FIG4: variants seen among roughly 807,000 people sequenced by gnomAD.
FIG4 encodes the protein polyphosphoinositide phosphatase.
Under a neutral mutation model 118.6 loss-of-function variants are expected in FIG4, and 112 were observed. The ratio of observed to expected loss-of-function variants is 0.94; its 90% CI spans 0.81 to 1.11. The LOEUF is 1.11. Among genes scored for constraint, FIG4 ranks in the 50% least tolerant of loss-of-function variants. The pLI is 0.00. For missense variants in FIG4, 969 were observed against 1,111.7 expected (o/e 0.87, Z 1.83); for synonymous variants, 369 against 381.2 (o/e 0.97, Z 0.37).
intron 21 of FIG4, among the ~76,000 whole-genome samples, chr6:109,792,886 T>G (rs1778178736): frequency 6.6e-6 from 1 of 152,000 alleles, no homozygotes; most frequent in Non-Finnish European, 1.5e-5. Flanking sequence ...AGACGGGGTT[T>G]CACTGTGTTG....
chr6:109,751,272 G>A (rs749654904), intron 10 of FIG4, among the ~76,000 whole-genome samples: 1 of 152,144 alleles, frequency 6.6e-6, no homozygotes, highest in Admixed American at 6.5e-5. Context: ...TATGCCAGCT[G>A]TTCTATAAAA....
chr6:109,722,229 G>T (rs1390780768), intron 3 of FIG4, among the ~76,000 whole-genome samples: 1 of 151,146 alleles, frequency 6.6e-6, no homozygotes, highest in Non-Finnish European at 1.5e-5. Flanking sequence ...TTTTTGGCGA[G>T]TCTCTAACCT....
At chr6:109,765,284 CATT>C (rs1274161989) in intron 14 of FIG4, 123 bp downstream of exon 14, 3 of 796,666 alleles carry the variant, frequency 3.8e-6, no homozygotes, top group Admixed American at 2.2e-5. Context: ...TGCTAGAAAA[CATT>C]ATTCAAACTC....
Position 109,716,431 on chromosome 6 carries a change from G to C in FIG4, c.166-14G>C, listed in dbSNP as rs755434755. ...TTAAGCACAACCTTACAGAGTAAATGTGCTTATTCTTAGCATGTCTATACT... is the reference window on the plus strand; with the variant it reads ...TTAAGCACAACCTTACAGAGTAAATCTGCTTATTCTTAGCATGTCTATACT... On this transcript the variant is annotated splice_polypyrimidine_tract_variant and intron_variant, in intron 2 of 22. Coordinates refer to ENST00000230124, the MANE Select transcript of FIG4 (RefSeq NM_014845.6). The C allele has an allele frequency of 1.9e-6, 3 of 1,612,816 alleles. No homozygotes were observed. The highest frequency in any genetic ancestry group is 2.7e-5 in the African/African-American group (2 of 74,874).
chr6:109,817,501 C>A (rs141940234), intron 22 of FIG4, among the ~76,000 whole-genome samples: 1 of 151,614 alleles, frequency 6.6e-6, no homozygotes, highest in African/African-American at 2.4e-5. Flanking sequence ...AGCTTTATTT[C>A]TCTAAAGCCA....
intron 21 of FIG4, 60 bp from the exon 22 acceptor site, chr6:109,796,705 T>C (rs1778296600): frequency 2.1e-6 from 2 of 950,514 alleles, no homozygotes; most frequent in Non-Finnish European, 3.5e-6. Flanking sequence ...TTGTGTGATC[T>C]ACTGAATTAA....
chr6:109,778,228 A>G (rs1777676988), intron 16 of FIG4, among the ~76,000 whole-genome samples: 1 of 151,980 alleles, frequency 6.6e-6, no homozygotes, highest in Admixed American at 6.6e-5. Flanking sequence ...TGGGAGGCCA[A>G]GGCGGGAGGA....
chr6:109,750,172 A>C (rs1051753414), intron 10 of FIG4, among the ~76,000 whole-genome samples: 1 of 152,202 alleles, frequency 6.6e-6, no homozygotes, highest in Admixed American at 6.5e-5. Flanking sequence ...ACTTCTTCCC[A>C]GTTGTGAAAG....
At chr6:109,764,091 A>G (rs1777200745) in intron 13 of FIG4, 109 bp downstream of exon 13, 1 of 732,842 alleles carries the variant, frequency 1.4e-6, no homozygotes, top group Non-Finnish European at 2.4e-6. Flanking sequence ...ATGCAGAATT[A>G]TTATTTGAGA....
At chr6:109,811,449 G>T (rs1362189244) in intron 22 of FIG4, among the ~76,000 whole-genome samples, 1 of 152,188 alleles carries the variant, frequency 6.6e-6, no homozygotes, top group African/African-American at 2.4e-5. Context: ...GTCATTTAAA[G>T]ATTCTATAAT....
At chr6:109,766,666 C>T in intron 14 of FIG4, 63 bp from the exon 15 acceptor site, 1 of 1,413,944 alleles carries the variant, frequency 7.1e-7, no homozygotes, top group African/African-American at 1.4e-5. Context: ...TGGAGTTTGG[C>T]TAAGTGAATA....
At chr6:109,711,351 A>G (rs1239902199) in intron 1 of FIG4, among the ~76,000 whole-genome samples, 5 of 152,162 alleles carry the variant, frequency 3.3e-5, no homozygotes. Context: ...GTGAGCCGAG[A>G]TTGCGCCACT....
intron 22 of FIG4, among the ~76,000 whole-genome samples, chr6:109,819,538 G>A (rs962439594): frequency 1.3e-5 from 2 of 152,086 alleles, no homozygotes; most frequent in Non-Finnish European, 2.9e-5. Flanking sequence ...GCCTGATCTC[G>A]GCTCACTGCA....
chr6:109,743,179 G>A lies in FIG4; in HGVS notation c.946G>A (p.Gly316Arg). Reference sequence around the variant, plus strand: ...TGCTTCTGTGATGTCTTTCACTGCAGGAAGTTATTCTTCATATGTACAAGT... The same window carrying A: ...TGCTTCTGTGATGTCTTTCACTGCAAGAAGTTATTCTTCATATGTACAAGT... ...CDASVMSFTA[G>R]SYSSYVQVRG... Residue 316 changes from glycine (G) to arginine (R), a missense_variant, in exon 9 of 23, where the codon GGA becomes AGA. Around this residue, in one of 3 missense-constraint regions of FIG4, gnomAD observed 393 missense variants for 409.4 expected, o/e 0.96. Coordinates refer to ENST00000230124, the MANE Select transcript of FIG4 (RefSeq NM_014845.6). 2 of 1,612,946 alleles carry A rather than the reference G, an allele frequency of 1.2e-6. No homozygotes were observed. The highest frequency in any genetic ancestry group is 1.1e-5 in the South Asian group (1 of 91,066).
rs1159427224 is a variant in FIG4 at position 109,719,759 on chromosome 6, A to G, written c.289+3191A>G. ...GTTGTATTGGGCTGTTTGACTTTAC[A>G]TTAAATGGCCTCTAGACTGCTGGAC... On this transcript the variant is annotated intron_variant, in intron 3 of 22. Transcript: ENST00000230124. Among the ~76,000 whole-genome samples the G allele has an allele frequency of 3.3e-5, 5 of 152,078 alleles. 1 individual carries two copies. The highest frequency in any genetic ancestry group is 2.1e-4 in the South Asian group (1 of 4,822).
At chr6:109,732,611 A>G (rs1372054650) in intron 4 of FIG4, 26 bp from the exon 5 acceptor site, 2 of 1,099,714 alleles carry the variant, frequency 1.8e-6, no homozygotes, top group African/African-American at 2.0e-5. Flanking sequence ...GGACAAATGA[A>G]ATGTACTTTG....
At chr6:109,742,177 G>A (rs1487403133) in intron 8 of FIG4, among the ~76,000 whole-genome samples, 1 of 152,056 alleles carries the variant, frequency 6.6e-6, no homozygotes, top group African/African-American at 2.4e-5. Context: ...CATGTTTAAT[G>A]TAGAGACAAA....
intron 21 of FIG4, 72 bp downstream of exon 21, chr6:109,792,736 C>CTTTTTT: frequency 2.3e-6 from 1 of 429,912 alleles, no homozygotes; most frequent in East Asian, 5.2e-5. Context: ...ACTACTATAC[C>CTTTTTT]TTTTTTTTTT....
chr6:109,778,432 G>A (rs1777684669), intron 16 of FIG4, among the ~76,000 whole-genome samples: 1 of 150,266 alleles, frequency 6.7e-6, no homozygotes, highest in Admixed American at 6.6e-5. Flanking sequence ...ATGGTGCCAC[G>A]GCACTCCAAC....
Sources: allele counts gnomAD v4.1 joint callset (sites outside exome capture counted in the v4.1 genomes callset), GRCh38; gene constraint gnomAD v4.1.1; regional missense constraint gnomAD v4.1.1; transcripts MANE v1.5; gene names NCBI Gene and HGNC (gene_info 2026-07-23, HGNC 2026-07-21).